Variants in SART3 observed in about 807,000 individuals in gnomAD.
The protein encoded by SART3 is HIV-1 Tat-interacting protein of 110kDa.
Under a neutral mutation model 122.3 loss-of-function variants are expected in SART3, and 44 were observed. The ratio of observed to expected loss-of-function variants is 0.36; its 90% CI spans 0.28 to 0.46. The LOEUF (loss-of-function observed/expected upper bound fraction) is 0.46. Among genes scored for constraint, SART3 ranks in the 20% least tolerant of loss-of-function variants. SART3 has a pLI of 1.00. For synonymous variants in SART3, 442 were observed against 454.0 expected, an observed-to-expected ratio of 0.97 and a Z score of 0.34; for missense variants, 1,101 against 1,229.0, an observed-to-expected ratio of 0.90 and a Z score of 1.56.
intron 12 of SART3, among the ~76,000 whole-genome samples, chr12:108,532,940 G>A (rs1288326103): frequency 6.6e-6 from 1 of 152,096 alleles, no homozygotes; most frequent in East Asian, 1.9e-4. Context: ...TTCTAATAGA[G>A]ACAGGTTTTC....
Position 108,538,074 on chromosome 12 carries a change from C to T in SART3, c.1192G>A (p.Val398Ile). 1 of 1,614,168 alleles carries T rather than the reference C, an allele frequency of 6.2e-7. No individual in the cohort carries two copies. Among genetic ancestry groups the T allele is most frequent in the African/African-American group, 1.3e-5 (1 of 75,040 alleles). Residue 398 changes from valine (V) to isoleucine (I), a missense_variant, in exon 8 of 19, where the codon GTA (valine) becomes ATA (isoleucine). This residue lies in a region of SART3 where 885 missense variants were observed against 1,080.1 expected (regional missense o/e 0.82). Transcript: ENST00000546815. ...ACAAAAACATCCGCACCAGAAATTA[C>T]TTGATGATCAACTCCATGTCTCTCC... The part of the protein sequence containing the change: ...AMERHGVDHQ[V>I]ISVTFEKALN...
rs748823914 is a variant in SART3 at position 108,538,210 on chromosome 12, T to TA, written c.1063-8dup. 2.6e-5 allele frequency: 42 copies of TA among 1,614,000 alleles called. No homozygotes were observed. The highest frequency in any genetic ancestry group is 3.4e-5 in the Non-Finnish European group (40 of 1,179,966). ...TTACTTTCAGTTGTCGATCCTATGA[T>TA]AAAGAATTCCAGAGTTAGGAAATTA... On this transcript the variant is annotated splice_region_variant and splice_polypyrimidine_tract_variant and intron_variant, in intron 7 of 18. Transcript: ENST00000546815.
chr12:108,552,632 A>G (rs1293202069), intron 1 of SART3, among the ~76,000 whole-genome samples: 1 of 152,134 alleles, frequency 6.6e-6, no homozygotes, highest in African/African-American at 2.4e-5. Flanking sequence ...AATTAGGTGT[A>G]TATTTAAAAA....
chr12:108,545,429 G>T, intron 3 of SART3, 106 bp from the exon 4 acceptor site: 1 of 1,030,292 alleles, frequency 9.7e-7, no homozygotes, highest in Non-Finnish European at 1.5e-6. Context: ...TCAGACAGCA[G>T]CACTAAATGA....
At chr12:108,545,038 G>A in intron 4 of SART3, 101 bp downstream of exon 4, 2 of 1,207,618 alleles carry the variant, frequency 1.7e-6, no homozygotes, top group Non-Finnish European at 2.5e-6. Context: ...TTAACTATAT[G>A]AACTGCAAGA....
intron 1 of SART3, among the ~76,000 whole-genome samples, chr12:108,550,138 CA>C (rs374737332): frequency 4.6e-5 from 7 of 151,216 alleles, no homozygotes; most frequent in African/African-American, 1.7e-4. Flanking sequence ...TGAAACTTTT[CA>C]AACTAAAATT....
intron 13 of SART3, chr12:108,531,983 A>C (rs961110329): frequency 1.2e-5 from 6 of 497,974 alleles, no homozygotes; most frequent in African/African-American, 5.8e-5. Context: ...AGTCCCCCCC[A>C]CAGAGAATTA....
chr12:108,547,990 C>T lies in SART3; in HGVS notation c.441G>A (p.Glu147=). 1 of 1,612,544 alleles carries T rather than the reference C, an allele frequency of 6.2e-7. No homozygotes were observed. Among genetic ancestry groups the T allele is most frequent in the Non-Finnish European group, 8.5e-7 (1 of 1,179,864 alleles). ...CGTCATGCAGCCACTCCAGCCAGAG[C>T]TCTACGAGACAAAAATACTTCCCGC... ...KMSEIFPLTE[E]LWLEWLHDEI... is the part of the protein sequence containing the mutation. Residue 147 remains glutamate (E), a splice_region_variant and synonymous_variant, in exon 3 of 19, where the codon GAG becomes GAA. Transcript: ENST00000546815.
Sources: gnomAD v4.1 joint callset for allele counts (sites outside exome capture counted in the v4.1 genomes callset) on GRCh38, gnomAD v4.1.1 for gene constraint, gnomAD v4.1.1 regional missense constraint, MANE v1.5 for transcripts, NCBI Gene and HGNC (gene_info 2026-07-23, HGNC 2026-07-21) for gene names.